CRISP1: variants seen among roughly 807,000 people sequenced by gnomAD.
CRISP1 encodes cysteine rich secretory protein 1.
CRISP1 carries 44 observed loss-of-function variants against 33.1 expected under a neutral mutation model. The ratio of observed to expected loss-of-function variants is 1.33; its 90% CI spans 1.05 to 1.71. The LOEUF (loss-of-function observed/expected upper bound fraction) is 1.71, where lower values mean the gene tolerates loss of function less well. Among genes scored for constraint, CRISP1 ranks in the 40% most tolerant of loss-of-function variants. The pLI, the probability that CRISP1 is intolerant of heterozygous loss-of-function variation, is 0.00. For synonymous variants in CRISP1, 103 were observed against 98.7 expected (o/e 1.04, Z -0.26); for missense variants, 390 against 301.2 (o/e 1.29, Z -2.18).
At chr6:49,835,645 T>C (rs1489116284) in intron 7 of CRISP1, among the ~76,000 whole-genome samples, 2 of 152,226 alleles carry the variant, frequency 1.3e-5, no homozygotes, top group African/African-American at 4.8e-5. Context: ...ATTTTTGTCT[T>C]TGTGTAAAAC....
intron 1 of CRISP1, among the ~76,000 whole-genome samples, chr6:49,864,432 T>C (rs1582284035): frequency 7.4e-6 from 1 of 134,924 alleles, no homozygotes; most frequent in African/African-American, 2.6e-5. Flanking sequence ...GTGTATGTGT[T>C]TGGATATATA....
At chr6:49,844,787 G>A (rs1771106397) in intron 5 of CRISP1, among the ~76,000 whole-genome samples, 2 of 152,116 alleles carry the variant, frequency 1.3e-5, no homozygotes, top group South Asian at 2.1e-4. Context: ...TCTCTCTTTC[G>A]AAATGAGAAT....
At chr6:49,836,317 A>C (rs111584800) in intron 7 of CRISP1, among the ~76,000 whole-genome samples, 4,232 of 151,366 alleles carry the variant, frequency 0.028, 199 homozygotes, top group African/African-American at 0.097. Flanking sequence ...CAATCTTATA[A>C]ATTTTATTTT....
chr6:49,868,144 G>A (rs966937918), upstream of CRISP1, among the ~76,000 whole-genome samples: 1 of 152,082 alleles, frequency 6.6e-6, no homozygotes, highest in East Asian at 1.9e-4. Flanking sequence ...ATATAGAGTT[G>A]CTATCCAGCT....
intron 1 of CRISP1, among the ~76,000 whole-genome samples, chr6:49,859,150 C>G (rs934870546): frequency 1.3e-5 from 2 of 151,964 alleles, no homozygotes; most frequent in African/African-American, 2.4e-5. Context: ...TTGCCTGGAG[C>G]CTGCCCAAAG....
chr6:49,851,126 T>C (rs1207576078), intron 3 of CRISP1, among the ~76,000 whole-genome samples: 1 of 152,186 alleles, frequency 6.6e-6, no homozygotes, highest in Non-Finnish European at 1.5e-5. Context: ...TATTTTTAGT[T>C]CAAATACCCC....
intron 1 of CRISP1, among the ~76,000 whole-genome samples, chr6:49,861,438 G>T (rs371330027): frequency 6.6e-6 from 1 of 152,130 alleles, no homozygotes; most frequent in Non-Finnish European, 1.5e-5. Flanking sequence ...TGCAAGGATG[G>T]TTCAACATAT....
chr6:49,850,948 C>G (rs1434983094), intron 3 of CRISP1, among the ~76,000 whole-genome samples: 1 of 151,992 alleles, frequency 6.6e-6, no homozygotes, highest in East Asian at 1.9e-4. Context: ...GAATAAGCTA[C>G]TCAATTTTTC....
At chr6:49,843,240 A>C (rs943030272) in intron 5 of CRISP1, among the ~76,000 whole-genome samples, 4 of 152,186 alleles carry the variant, frequency 2.6e-5, no homozygotes, top group Non-Finnish European at 5.9e-5. Flanking sequence ...GATTAGTTTA[A>C]TGTTAAGATA....
Position 49,855,645 on chromosome 6 carries a change from T to C in CRISP1, c.66+1690A>G, listed in dbSNP as rs554298928. On this transcript the variant is annotated intron_variant, in intron 2 of 7. Transcript: ENST00000335847. ...CCTGTTACCTGATCACAACTCTCTA[T>C]AGTTTTCCTCAAAAAAACTTTTTGT... Among the ~76,000 whole-genome samples the C allele has an allele frequency of 1.6e-4, 24 of 152,298 alleles. 1 individual carries two copies. In the East Asian group the frequency reaches 4.6e-3, roughly 29 times the overall value.
At chr6:49,873,183 A>AAAAAT (rs1013892280) in intron 1 of CRISP1, among the ~76,000 whole-genome samples, 3 of 152,034 alleles carry the variant, frequency 2.0e-5, no homozygotes, top group Admixed American at 6.6e-5. Context: ...ATAAAAATAA[A>AAAAAT]AAAATAAAAT....
chr6:49,876,588 T>C (rs1772040332), intron 1 of CRISP1, among the ~76,000 whole-genome samples: 1 of 152,014 alleles, frequency 6.6e-6, no homozygotes, highest in African/African-American at 2.4e-5. Flanking sequence ...TGCACATGTG[T>C]GTTCACAGCA....
At position 49,857,408 on chromosome 6, in the gene CRISP1, A is replaced by C. The variant is rs1167852084; in HGVS notation, c.-2-6T>G. On this transcript the variant is annotated splice_polypyrimidine_tract_variant and splice_region_variant and intron_variant, in intron 1 of 7. Coordinates refer to ENST00000335847, the MANE Select transcript of CRISP1 (RefSeq NM_001131.3). ...GAGGTGTTTAATTTCCATCCCTGAA[A>C]GAAAAATAACACAATTTTAGATTAT... 6.8e-6 allele frequency: 11 copies of C among 1,611,292 alleles called. No homozygotes were observed. The highest frequency in any genetic ancestry group is 8.5e-6 in the Non-Finnish European group (10 of 1,178,100).
intron 1 of CRISP1, among the ~76,000 whole-genome samples, chr6:49,857,662 G>A (rs1408292117): frequency 2.0e-5 from 3 of 152,068 alleles, no homozygotes; most frequent in Non-Finnish European, 4.4e-5. Context: ...ATGACACAAG[G>A]GAATTAAGGT....
intron 2 of CRISP1, among the ~76,000 whole-genome samples, chr6:49,853,920 T>G (rs923709781): frequency 1.3e-5 from 2 of 152,210 alleles, no homozygotes; most frequent in African/African-American, 2.4e-5. Flanking sequence ...CATATCTGCA[T>G]GACCCCAAAT....
intron 1 of CRISP1, among the ~76,000 whole-genome samples, chr6:49,865,005 C>A (rs1331601145): frequency 6.6e-6 from 1 of 151,992 alleles, no homozygotes; most frequent in Non-Finnish European, 1.5e-5. Context: ...AGTAATGAGT[C>A]ATAAAGGCAT....
intron 1 of CRISP1, among the ~76,000 whole-genome samples, chr6:49,865,585 G>T (rs184294370): frequency 6.6e-6 from 1 of 152,082 alleles, no homozygotes; most frequent in Non-Finnish European, 1.5e-5. Context: ...GGTGGTTGGT[G>T]GTTGCTTTGG....
chr6:49,841,508 T>C (rs1181263996), intron 5 of CRISP1, among the ~76,000 whole-genome samples: 1 of 152,148 alleles, frequency 6.6e-6, no homozygotes, highest in Non-Finnish European at 1.5e-5. Context: ...TCTTATCCAG[T>C]ATACTCAGGG....
At chr6:49,845,809 C>A (rs1189010491) in intron 5 of CRISP1, among the ~76,000 whole-genome samples, 1 of 151,050 alleles carries the variant, frequency 6.6e-6, no homozygotes, top group South Asian at 2.1e-4. Flanking sequence ...AAAAAGAATA[C>A]AATTCTGACA....
Sources: allele counts gnomAD v4.1 joint callset (sites outside exome capture counted in the v4.1 genomes callset), GRCh38; gene constraint gnomAD v4.1.1; transcripts MANE v1.5; gene names NCBI Gene and HGNC (gene_info 2026-07-23, HGNC 2026-07-21).